The following TSHZ2 variants were observed in gnomAD, a reference collection of about 807,000 sequenced individuals.
TSHZ2 encodes teashirt zinc finger homeobox 2.
Under a neutral mutation model 74.4 loss-of-function variants are expected in TSHZ2, and 21 were observed. The ratio of observed to expected loss-of-function variants is 0.28; its 90% CI spans 0.20 to 0.41. The LOEUF (loss-of-function observed/expected upper bound fraction) is 0.41. Ranked by LOEUF, TSHZ2 falls within the 10% of genes least tolerant of loss-of-function variation. The pLI is 1.00. For synonymous variants in TSHZ2, 540 were observed against 515.3 expected (o/e 1.05, Z -0.65); for missense variants, 1,244 against 1,293.5 (o/e 0.96, Z 0.59).
chr20:53,210,479 C>A (rs1989277294), intron 1 of TSHZ2, among the ~76,000 whole-genome samples: 1 of 151,998 alleles, frequency 6.6e-6, no homozygotes, highest in South Asian at 2.1e-4. Context: ...AGTGGCTGAA[C>A]TCAACTCCAA....
At chr20:53,201,414 G>A (rs1176339492) in intron 1 of TSHZ2, among the ~76,000 whole-genome samples, 1 of 152,030 alleles carries the variant, frequency 6.6e-6, no homozygotes, top group Admixed American at 6.6e-5. Flanking sequence ...TTTCAAGCAG[G>A]GAATTGCATC....
intron 1 of TSHZ2, among the ~76,000 whole-genome samples, chr20:53,190,086 AATATATATATATAT>A (rs544193424): frequency 0.011 from 280 of 25,098 alleles, 11 homozygotes; most frequent in Middle Eastern, 0.094. Flanking sequence ...CCCTGTCTCA[AATATATATATATAT>A]ATATATATAT....
chr20:53,192,306 A>C (rs1204168708), intron 1 of TSHZ2, among the ~76,000 whole-genome samples: 2 of 151,342 alleles, frequency 1.3e-5, no homozygotes, highest in Non-Finnish European at 2.9e-5. Flanking sequence ...AAAAAAAAAA[A>C]ACAAAAAAAC....
At chr20:53,485,601 C>T (rs907037610) in intron 2 of TSHZ2, among the ~76,000 whole-genome samples, 1 of 151,834 alleles carries the variant, frequency 6.6e-6, no homozygotes, top group Non-Finnish European at 1.5e-5. Context: ...CCCAGCTACT[C>T]GGGAGGCTGA....
chr20:53,127,700 A>C (rs936484377), intron 1 of TSHZ2, among the ~76,000 whole-genome samples: 1 of 152,208 alleles, frequency 6.6e-6, no homozygotes, highest in Non-Finnish European at 1.5e-5. Flanking sequence ...AGTTCTTTGC[A>C]TCCATTATTT....
Position 53,409,239 on chromosome 20 carries a change from GT to G in TSHZ2, c.*9-77897del, listed in dbSNP as rs553159175. Among the ~76,000 whole-genome samples, 16 of 148,834 alleles carry G rather than the reference GT, an allele frequency of 1.1e-4. No homozygotes were observed. The East Asian group carries it at 1.2e-3, about 11-fold the overall frequency. On this transcript the variant is annotated intron_variant, in intron 2 of 2. Coordinates refer to ENST00000371497, the MANE Select transcript of TSHZ2 (RefSeq NM_173485.6). Reference sequence around the variant, plus strand: ...ATGTTAAATCAATAATGCTCTGTTTGTTTTTTTTAATTCTAATCTTTCTTCA... The same window carrying G: ...ATGTTAAATCAATAATGCTCTGTTTGTTTTTTTAATTCTAATCTTTCTTCA...
At chr20:53,411,536 A>G (rs1983054451) in intron 2 of TSHZ2, among the ~76,000 whole-genome samples, 1 of 152,202 alleles carries the variant, frequency 6.6e-6, no homozygotes, top group Non-Finnish European at 1.5e-5. Flanking sequence ...AAGTAACTTA[A>G]GAGTACCTAA....
intron 1 of TSHZ2, among the ~76,000 whole-genome samples, chr20:53,226,991 A>G (rs1989701214): frequency 6.6e-6 from 1 of 152,228 alleles, no homozygotes; most frequent in Non-Finnish European, 1.5e-5. Context: ...TCACGGAAGT[A>G]TCAGTTTAGA....
intron 1 of TSHZ2, among the ~76,000 whole-genome samples, chr20:53,068,019 C>T (rs1179491401): frequency 1.3e-5 from 2 of 152,152 alleles, no homozygotes; most frequent in African/African-American, 2.4e-5. Flanking sequence ...TGGCTCCCTT[C>T]CCCTGTGCGT....
intron 1 of TSHZ2, among the ~76,000 whole-genome samples, chr20:53,221,939 C>T (rs145766076): frequency 6.6e-6 from 1 of 152,298 alleles, no homozygotes; most frequent in Non-Finnish European, 1.5e-5. Context: ...TCTCTTGCAA[C>T]TGCTAATGCC....
rs560692751 is a variant in TSHZ2, at chr20:52,972,946, CA to C, written c.-334del. 12,462 of 174,306 alleles carry C rather than the reference CA, an allele frequency of 0.071. 12 individuals carry two copies. The highest frequency in any genetic ancestry group is 0.1 in the Middle Eastern group (64 of 622). The allele number at this position is 174,306 out of a possible 1,614,324, so 10.8% of individuals were successfully genotyped here. ...AGAAATCAAGTGTCTCAACAGTCAC[CA>C]AAAAAAAAAAAAACCGCAAAAACAA... On this transcript the variant is annotated 5_prime_UTR_variant, in exon 1 of 3. The change creates a premature stop within an existing upstream ORF in the 5' untranslated region. Transcript: ENST00000371497.
At chr20:53,475,705 T>C (rs1159448480) in intron 2 of TSHZ2, among the ~76,000 whole-genome samples, 4 of 139,106 alleles carry the variant, frequency 2.9e-5, no homozygotes, top group East Asian at 4.5e-4. Flanking sequence ...CTTCAAAAAA[T>C]TAATGAATCC....
intron 2 of TSHZ2, among the ~76,000 whole-genome samples, chr20:53,304,285 T>C (rs1978428852): frequency 6.7e-6 from 1 of 149,240 alleles, no homozygotes; most frequent in African/African-American, 2.5e-5. Context: ...TAAACTTTTA[T>C]TGGAAGGTAG....
In TSHZ2 at chr20:53,492,474, C is replaced by T. The variant is rs1024030657; in HGVS notation, c.*5339C>T. 2 of 152,154 alleles carry T rather than the reference C, an allele frequency of 1.3e-5. No individual in the cohort carries two copies. The highest frequency in any genetic ancestry group is 2.4e-5 in the African/African-American group (1 of 41,452). The allele number at this position is 152,154 out of a possible 1,614,324, so 9.4% of individuals were successfully genotyped here. On this transcript the variant is annotated 3_prime_UTR_variant, in exon 3 of 3. Coordinates refer to ENST00000371497, the MANE Select transcript of TSHZ2 (RefSeq NM_173485.6). ...AATGCGAGTCAAAAAAGCTGACATA[C>T]AAAACAATTCCCATTTGGCTCAGGG...
rs1308967465 is a variant in TSHZ2, at chr20:53,140,563, AAG to A, written c.41-112933_41-112932del. Among the ~76,000 whole-genome samples, 4 of 149,332 alleles carry A rather than the reference AAG, an allele frequency of 2.7e-5. No individual in the cohort carries two copies. The East Asian group carries it at 5.9e-4, about 22-fold the overall frequency. On this transcript the variant is annotated intron_variant, in intron 1 of 2. Coordinates refer to ENST00000371497, the MANE Select transcript of TSHZ2 (RefSeq NM_173485.6). ...TCAAAAAAAAAAAAAAAAAAAAAAAAAGAGGGACAGTCACGAAGACCTGAACC... is the reference window on the plus strand; with the variant it reads ...TCAAAAAAAAAAAAAAAAAAAAAAAAAGGGACAGTCACGAAGACCTGAACC...
At chr20:52,999,683 C>A (rs1485727972) in intron 1 of TSHZ2, among the ~76,000 whole-genome samples, 1 of 152,174 alleles carries the variant, frequency 6.6e-6, no homozygotes, top group Non-Finnish European at 1.5e-5. Flanking sequence ...TGACTGGAAT[C>A]ATCAGAATCG....
chr20:53,130,824 G>A (rs1375002419), intron 1 of TSHZ2, among the ~76,000 whole-genome samples: 1 of 152,150 alleles, frequency 6.6e-6, no homozygotes, highest in Non-Finnish European at 1.5e-5. Context: ...CAATTAATAC[G>A]AGCATCAAGC....
rs1312734321 is a variant in TSHZ2 at position 52,992,074 on chromosome 20, A to G, written c.40+18741A>G. Among the ~76,000 whole-genome samples, 8 of 152,282 alleles carry G rather than the reference A, an allele frequency of 5.3e-5. No individual in the cohort carries two copies. In the East Asian group the frequency reaches 1.4e-3, roughly 26 times the overall value. Reference sequence around the variant, plus strand: ...CCCTGCTCAGGAAAATTTGCTCTCAATGGGAAATGTATAAGAGACAGATAG... The same window carrying G: ...CCCTGCTCAGGAAAATTTGCTCTCAGTGGGAAATGTATAAGAGACAGATAG... On this transcript the variant is annotated intron_variant, in intron 1 of 2. Coordinates refer to ENST00000371497, the MANE Select transcript of TSHZ2 (RefSeq NM_173485.6).
At chr20:53,140,977 A>G (rs1343716922) in intron 1 of TSHZ2, among the ~76,000 whole-genome samples, 1 of 152,188 alleles carries the variant, frequency 6.6e-6, no homozygotes, top group Non-Finnish European at 1.5e-5. Context: ...CTTTAGCCAC[A>G]GAGAACTTTC....
Sources: gnomAD v4.1 joint callset for allele counts (sites outside exome capture counted in the v4.1 genomes callset) on GRCh38, gnomAD v4.1.1 for gene constraint, MANE v1.5 for transcripts, NCBI Gene and HGNC (gene_info 2026-07-23, HGNC 2026-07-21) for gene names.